Variants in MSANTD2 observed in about 807,000 individuals in gnomAD.
The protein encoded by MSANTD2 is Myb/SANT DNA binding domain containing 2.
In MSANTD2, 19 loss-of-function variants were observed where a neutral mutation model predicts 52.6. That is an observed-to-expected ratio of 0.36 (90% CI 0.25 to 0.53). The LOEUF (loss-of-function observed/expected upper bound fraction) is 0.53. Ranked by LOEUF, MSANTD2 falls within the 20% of genes least tolerant of loss-of-function variation. MSANTD2 has a pLI of 0.91. For missense variants in MSANTD2, 558 were observed against 716.3 expected, an observed-to-expected ratio of 0.78 and a Z score of 2.52; for synonymous variants, 291 against 289.7, an observed-to-expected ratio of 1.00 and a Z score of -0.04.
At chr11:124,768,390 T>A (rs1252567261) in intron 3 of MSANTD2, among the ~76,000 whole-genome samples, 2 of 152,214 alleles carry the variant, frequency 1.3e-5, no homozygotes, top group Non-Finnish European at 2.9e-5. Context: ...TTCAGAAATC[T>A]ATGGATCATA....
At chr11:124,796,448 T>C (rs1228368131) in intron 1 of MSANTD2, among the ~76,000 whole-genome samples, 1 of 152,196 alleles carries the variant, frequency 6.6e-6, no homozygotes, top group Non-Finnish European at 1.5e-5. Flanking sequence ...TCTTTTTTTT[T>C]AAGAGACCAG....
Position 124,767,900 on chromosome 11 carries a change from C to T in MSANTD2, c.956G>A (p.Gly319Asp). Reference sequence around the variant, plus strand: ...ATCCTCTTTCCAACGGGTGTTATAACCAATTCCAAAAATGGCCAGTTTATT... The same window carrying T: ...ATCCTCTTTCCAACGGGTGTTATAATCAATTCCAAAAATGGCCAGTTTATT... Reference protein sequence around the residue: ...LSNKLAIFGIGYNTRWKEDIR... With the variant: ...LSNKLAIFGIDYNTRWKEDIR... Residue 319 changes from glycine (G) to aspartate (D), a missense_variant, in exon 4 of 4, where the codon GGT (glycine) becomes GAT (aspartate). Physicochemically the swap from Gly to Asp is moderately conservative, Grantham distance 94. Transcript: ENST00000374979. This position sits in a 1 kb window ranked among gnomAD's most constrained non-coding sequence, Gnocchi z 6.5. 6.2e-7 allele frequency: 1 copy of T among 1,614,198 alleles called. No individual in the cohort carries two copies. Among genetic ancestry groups the T allele is most frequent in the Non-Finnish European group, 8.5e-7 (1 of 1,180,040 alleles).
chr11:124,794,525 T>A (rs1007624867), intron 1 of MSANTD2, among the ~76,000 whole-genome samples: 1 of 152,210 alleles, frequency 6.6e-6, no homozygotes, highest in East Asian at 1.9e-4. Context: ...CTAAACCTAT[T>A]TGAGTAGCTT....
At chr11:124,785,076 G>A (rs953991237) in intron 1 of MSANTD2, among the ~76,000 whole-genome samples, 6 of 152,072 alleles carry the variant, frequency 3.9e-5, no homozygotes, top group African/African-American at 1.4e-4. Context: ...AATAAATTCA[G>A]GCAATCATAA....
At chr11:124,781,368 T>A (rs910384467) in intron 1 of MSANTD2, among the ~76,000 whole-genome samples, 9 of 152,030 alleles carry the variant, frequency 5.9e-5, no homozygotes, top group African/African-American at 2.2e-4. Flanking sequence ...GATCACTTAT[T>A]GTCTGATTAA....
In MSANTD2 at chr11:124,800,319, T is replaced by G. The variant is rs1254808814; in HGVS notation, c.62A>C (p.Glu21Ala). The G allele has an allele frequency of 1.9e-6, 3 of 1,563,508 alleles. No homozygotes were observed. The African/African-American group carries it at 4.3e-5, about 22-fold the overall frequency. Residue 21 changes from glutamate to alanine, a missense_variant, in exon 1 of 4, where the codon GAG becomes GCG. Around this residue, in one of 2 missense-constraint regions of MSANTD2, gnomAD observed 150 missense variants for 142.7 expected, o/e 1.05. Transcript: ENST00000374979. The surrounding 1 kb of genome is among the most constrained non-coding windows in gnomAD (Gnocchi z 4.3). ...ACCAGGAGAAGCCGGGGAAAGCACC[T>G]CCATCTTCGGAATTTTTAGCGGCGA... ...ANSPLKIPKM[E>A]VLSPASPGGL... is the part of the protein sequence containing the mutation.
Position 124,784,329 on chromosome 11 carries a change from A to G in MSANTD2, c.511-9355T>C, listed in dbSNP as rs7930468. The G allele has an allele frequency of 2.3e-3, 2,293 of 985,248 alleles. 40 individuals are homozygous for G. The African/African-American group carries it at 0.037, about 16-fold the overall frequency. The allele number at this position is 985,248 out of a possible 1,614,324, so 61.0% of individuals were successfully genotyped here. On this transcript the variant is annotated intron_variant, in intron 1 of 3. Transcript: ENST00000374979. ...GGTATTCAGATACACTAAAAATGAT[A>G]CTTTTATTAGTATGTGATATCTAAA...
intron 1 of MSANTD2, among the ~76,000 whole-genome samples, chr11:124,795,451 C>G (rs1247031248): frequency 1.3e-5 from 2 of 152,142 alleles, no homozygotes; most frequent in Non-Finnish European, 1.5e-5. Flanking sequence ...TTCATGAATT[C>G]CAAGTCTAGA....
chr11:124,798,652 T>C (rs546538250), intron 1 of MSANTD2, among the ~76,000 whole-genome samples: 9 of 152,222 alleles, frequency 5.9e-5, no homozygotes, highest in Non-Finnish European at 1.2e-4. Flanking sequence ...GAAATACTAC[T>C]GGAGCCAAGA....
At chr11:124,780,909 G>A (rs1225167400) in intron 1 of MSANTD2, among the ~76,000 whole-genome samples, 1 of 152,192 alleles carries the variant, frequency 6.6e-6, no homozygotes, top group Non-Finnish European at 1.5e-5. Context: ...AGGGCCGGGT[G>A]CGGTGGCTCA....
chr11:124,784,487 C>G, intron 1 of MSANTD2: 1 of 985,088 alleles, frequency 1.0e-6, no homozygotes, highest in Non-Finnish European at 1.2e-6. Flanking sequence ...ATTAAACCCC[C>G]CCCCCGCCAC....
Position 124,767,435 on chromosome 11 carries a change from T to C in MSANTD2, c.1421A>G (p.Tyr474Cys), listed in dbSNP as rs753947193. 4 of 1,614,146 alleles carry C rather than the reference T, an allele frequency of 2.5e-6. No homozygotes were observed. Among genetic ancestry groups the C allele is most frequent in the East Asian group, 2.2e-5 (1 of 44,876 alleles). ...GACCTCAGCAATCCCGAGGTAGCAATAGATAATTCGGGTGGGTTCTATTTC... is the reference window on the plus strand; with the variant it reads ...GACCTCAGCAATCCCGAGGTAGCAACAGATAATTCGGGTGGGTTCTATTTC... Reference protein sequence around the residue: ...QVEIEPTRIIYCYLGIAEVRT... With the variant: ...QVEIEPTRIICCYLGIAEVRT... The change falls in exon 4 of 4, where the codon TAT (tyrosine) becomes TGT (cysteine). Residue 474 changes from tyrosine to cysteine, a missense_variant. Tyr to Cys is a radical substitution (Grantham distance 194, BLOSUM62 -2). This residue lies in a region of MSANTD2 where 408 missense variants were observed against 573.6 expected (regional missense o/e 0.71). Coordinates refer to ENST00000374979, the MANE Select transcript of MSANTD2 (RefSeq NM_001308027.2). The surrounding 1 kb of genome is among the most constrained non-coding windows in gnomAD (Gnocchi z 6.5).
At chr11:124,784,492 C>T (rs1025580761) in intron 1 of MSANTD2, 40 of 982,678 alleles carry the variant, frequency 4.1e-5, no homozygotes, top group South Asian at 9.4e-5. Flanking sequence ...ACCCCCCCCC[C>T]GCCACCTCAA....
At chr11:124,785,138 T>G (rs1474166876) in intron 1 of MSANTD2, among the ~76,000 whole-genome samples, 1 of 152,246 alleles carries the variant, frequency 6.6e-6, no homozygotes, top group Admixed American at 6.5e-5. Flanking sequence ...CTTAGCTTTA[T>G]AAAGACTGCT....
intron 1 of MSANTD2, chr11:124,784,045 A>G: frequency 1.0e-6 from 1 of 985,338 alleles, no homozygotes; most frequent in Non-Finnish European, 1.2e-6. Flanking sequence ...CAGGTCAAAA[A>G]AGTAGGGTAT....
chr11:124,779,552 C>G lies in MSANTD2; in HGVS notation c.511-4578G>C, dbSNP rs1387824509. ...GTGGAGGAACAGAAATAAGGCATAA[C>G]AGCTATATAAATGTATTGTTTAGAA... On this transcript the variant is annotated intron_variant, in intron 1 of 3. Transcript: ENST00000374979. The surrounding 1 kb of genome is among the most constrained non-coding windows in gnomAD (Gnocchi z 4.6). Among the ~76,000 whole-genome samples, 3 of 152,176 alleles carry G rather than the reference C, an allele frequency of 2.0e-5. No individual in the cohort carries two copies. The highest frequency in any genetic ancestry group is 7.2e-5 in the African/African-American group (3 of 41,450).
At chr11:124,772,429 A>C (rs1278816834) in intron 3 of MSANTD2, among the ~76,000 whole-genome samples, 1 of 152,246 alleles carries the variant, frequency 6.6e-6, no homozygotes, top group East Asian at 1.9e-4. Context: ...GGGTTAAGCT[A>C]AGATACGAAA....
intron 1 of MSANTD2, chr11:124,790,513 G>A (rs1184809319): frequency 6.6e-6 from 1 of 152,192 alleles, no homozygotes; most frequent in African/African-American, 2.4e-5. Context: ...CAGGTCCTCG[G>A]TTTTGATGTA....
intron 1 of MSANTD2, among the ~76,000 whole-genome samples, chr11:124,778,854 G>A (rs1469025233): frequency 6.6e-6 from 1 of 152,194 alleles, no homozygotes; most frequent in Non-Finnish European, 1.5e-5. Context: ...GTGGATGAAT[G>A]TATGGGGAGT....
Sources: gnomAD v4.1 joint callset for allele counts (sites outside exome capture counted in the v4.1 genomes callset) on GRCh38, gnomAD v4.1.1 for gene constraint, gnomAD v4.1.1 regional missense constraint, Gnocchi (gnomAD v3.1) non-coding constraint, MANE v1.5 for transcripts, NCBI Gene and HGNC (gene_info 2026-07-23, HGNC 2026-07-21) for gene names.